Variants in ADAMTS9 observed in about 807,000 individuals in gnomAD.
ADAMTS9 encodes A disintegrin and metalloproteinase with thrombospondin motifs 9.
Under a neutral mutation model 257.1 loss-of-function variants are expected in ADAMTS9, and 107 were observed. The observed-to-expected ratio is 0.42, with a 90% CI of 0.36 to 0.49. ADAMTS9 has a LOEUF of 0.49. Among genes scored for constraint, ADAMTS9 ranks in the 20% least tolerant of loss-of-function variants. The pLI, the probability that ADAMTS9 is intolerant of heterozygous loss-of-function variation, is 0.03. For synonymous variants in ADAMTS9, 982 were observed against 880.9 expected, an observed-to-expected ratio of 1.11 and a Z score of -2.03; for missense variants, 2,353 against 2,469.1, an observed-to-expected ratio of 0.95 and a Z score of 1.00.
Position 64,686,524 on chromosome 3 carries a change from G to A in ADAMTS9, c.516+44C>T, listed in dbSNP as rs780923572. On this transcript the variant is annotated intron_variant, in intron 2 of 39. Coordinates refer to ENST00000498707, the MANE Select transcript of ADAMTS9 (RefSeq NM_182920.2). This position sits in a 1 kb window ranked among gnomAD's most constrained non-coding sequence, Gnocchi z 4.6. The stretch of plus-strand genomic sequence containing the variant: ...GGACAATTAAGTCTTCTAGAAGCGG[G>A]CGAGGAGGCGGAAGGGGAGAGGAGG... 9 of 1,537,560 alleles carry A rather than the reference G, an allele frequency of 5.9e-6. No individual in the cohort carries two copies. Among genetic ancestry groups the A allele is most frequent in the Non-Finnish European group, 7.0e-6 (8 of 1,140,648 alleles).
intron 2 of ADAMTS9, among the ~76,000 whole-genome samples, chr3:64,683,426 A>G (rs1701808179): frequency 6.6e-6 from 1 of 152,212 alleles, no homozygotes; most frequent in Non-Finnish European, 1.5e-5. Context: ...TCTATGGTTA[A>G]GCACATGGAT....
intron 38 of ADAMTS9, among the ~76,000 whole-genome samples, chr3:64,528,040 A>C (rs2082931105): frequency 6.6e-6 from 1 of 152,228 alleles, no homozygotes; most frequent in African/African-American, 2.4e-5. Context: ...TCTTTGATTT[A>C]CAGCCCTTGC....
At chr3:64,663,936 A>G in intron 3 of ADAMTS9, among the ~76,000 whole-genome samples, 1 of 152,092 alleles carries the variant, frequency 6.6e-6, no homozygotes, top group East Asian at 1.9e-4. Context: ...TAAAAATAGC[A>G]TTAAAAATAG....
At chr3:64,663,516 C>T (rs1390600342) in intron 3 of ADAMTS9, among the ~76,000 whole-genome samples, 2 of 149,446 alleles carry the variant, frequency 1.3e-5, no homozygotes, top group African/African-American at 4.9e-5. Context: ...CTATCAGAAT[C>T]ATCAGAGAGG....
At chr3:64,644,011 G>A (rs1457120458) in intron 11 of ADAMTS9, among the ~76,000 whole-genome samples, 9 of 152,102 alleles carry the variant, frequency 5.9e-5, no homozygotes, top group Admixed American at 1.3e-4. Context: ...CTTAAAGTCT[G>A]TTTCCACAAT....
At chr3:64,649,065 G>A (rs61126815) in intron 10 of ADAMTS9, among the ~76,000 whole-genome samples, 1,825 of 152,096 alleles carry the variant, frequency 0.012, 26 homozygotes, top group African/African-American at 0.039. Flanking sequence ...ATCTGTAACC[G>A]GATAACTGCT....
intron 28 of ADAMTS9, among the ~76,000 whole-genome samples, chr3:64,575,094 T>A (rs2083804445): frequency 6.6e-6 from 1 of 152,182 alleles, no homozygotes; most frequent in South Asian, 2.1e-4. Context: ...GTTTATTAAC[T>A]CGTTGAGGCC....
intron 30 of ADAMTS9, among the ~76,000 whole-genome samples, chr3:64,557,332 G>T (rs1329636121): frequency 1.3e-5 from 2 of 152,162 alleles, no homozygotes; most frequent in African/African-American, 4.8e-5. Context: ...TTGACCAGAA[G>T]GACCTCTGCT....
At chr3:64,542,410 C>T (rs913881117) in intron 32 of ADAMTS9, among the ~76,000 whole-genome samples, 1 of 135,534 alleles carries the variant, frequency 7.4e-6, no homozygotes, top group Non-Finnish European at 1.6e-5. Context: ...TTTGCCTGAT[C>T]ACTTTTCATT....
Position 64,649,707 on chromosome 3 carries a change from C to T in ADAMTS9, c.1535G>A (p.Gly512Asp). Reference protein sequence around the residue: ...RPYPLPVQLPGILYNVNKQCE... With the variant: ...RPYPLPVQLPDILYNVNKQCE... Reference sequence around the variant, plus strand: ...TTGTTTATTCACGTTGTAAAGGATGCCTGGCAGTTGGACAGGCAAAGGGTA... The same window carrying T: ...TTGTTTATTCACGTTGTAAAGGATGTCTGGCAGTTGGACAGGCAAAGGGTA... Residue 512 changes from glycine (G) to aspartate (D), a missense_variant, in exon 10 of 40, where the codon GGC becomes GAC. Gly to Asp is a moderately conservative substitution (Grantham distance 94, BLOSUM62 -1). Around this residue, in one of 3 missense-constraint regions of ADAMTS9, gnomAD observed 360 missense variants for 458.1 expected, o/e 0.79. Transcript: ENST00000498707. 1 of 1,613,946 alleles carries T rather than the reference C, an allele frequency of 6.2e-7. No individual in the cohort carries two copies. Among genetic ancestry groups the T allele is most frequent in the Non-Finnish European group, 8.5e-7 (1 of 1,179,962 alleles).
At chr3:64,542,045 G>A (rs1461363227) in intron 32 of ADAMTS9, 75 bp from the exon 33 acceptor site, 4 of 1,580,480 alleles carry the variant, frequency 2.5e-6, no homozygotes, top group Non-Finnish European at 3.4e-6. Context: ...GTGGAGCTCA[G>A]AGCCCTGATG....
At chr3:64,667,019 GT>G (rs985163767) in intron 3 of ADAMTS9, among the ~76,000 whole-genome samples, 2 of 152,012 alleles carry the variant, frequency 1.3e-5, no homozygotes, top group African/African-American at 4.8e-5. Flanking sequence ...GTGAGCTGTT[GT>G]TTTTTTGTTT....
chr3:64,658,448 C>T, intron 4 of ADAMTS9, 54 bp downstream of exon 4: 1 of 1,547,886 alleles, frequency 6.5e-7, no homozygotes, highest in South Asian at 1.3e-5. Context: ...GAAACCCATT[C>T]CCCAATGGCA....
intron 39 of ADAMTS9, among the ~76,000 whole-genome samples, chr3:64,518,087 T>A (rs1231048387): frequency 6.6e-6 from 1 of 152,234 alleles, no homozygotes; most frequent in African/African-American, 2.4e-5. Context: ...AAGAATGATG[T>A]AATCCTAGAG....
intron 30 of ADAMTS9, among the ~76,000 whole-genome samples, chr3:64,559,194 C>A (rs2106639293): frequency 6.6e-6 from 1 of 152,214 alleles, no homozygotes; most frequent in Admixed American, 6.5e-5. Flanking sequence ...AGGTAATTGC[C>A]CAGTTACTGT....
chr3:64,658,716 C>T lies in ADAMTS9; in HGVS notation c.755G>A (p.Gly252Asp), dbSNP rs2106970329. 4 of 1,614,172 alleles carry T rather than the reference C, an allele frequency of 2.5e-6. No homozygotes were observed. Among genetic ancestry groups the T allele is most frequent in the Non-Finnish European group, 3.4e-6 (4 of 1,180,034 alleles). The change falls in exon 4 of 40, where the codon GGT becomes GAT. Residue 252 changes from glycine to aspartate, a missense_variant. Around this residue, in one of 3 missense-constraint regions of ADAMTS9, gnomAD observed 591 missense variants for 569.6 expected, o/e 1.04. Coordinates refer to ENST00000498707, the MANE Select transcript of ADAMTS9 (RefSeq NM_182920.2). ...RKWGERINLA[G>D]DVAALNSGLA... ...GCCGCTGTTTAATGCTGCTACGTCA[C>T]CAGCCAGGTTAATCCTTTCTCCCCA...
intron 21 of ADAMTS9, 172 bp downstream of exon 21, chr3:64,615,149 A>T: frequency 5.4e-6 from 4 of 744,360 alleles, no homozygotes; most frequent in Non-Finnish European, 6.5e-6. Flanking sequence ...AGTTACATCC[A>T]GTACGACAGT....
At chr3:64,607,713 G>T (rs2084584786) in intron 22 of ADAMTS9, among the ~76,000 whole-genome samples, 1 of 152,126 alleles carries the variant, frequency 6.6e-6, no homozygotes, top group African/African-American at 2.4e-5. Context: ...TGTTAAGCTG[G>T]CAAAAACTGG....
intron 16 of ADAMTS9, among the ~76,000 whole-genome samples, chr3:64,627,265 T>C (rs932576468): frequency 1.3e-5 from 2 of 152,214 alleles, no homozygotes; most frequent in African/African-American, 2.4e-5. Flanking sequence ...CTTCCATGCA[T>C]ATTCTTTATT....
Sources: allele counts gnomAD v4.1 joint callset (sites outside exome capture counted in the v4.1 genomes callset), GRCh38; gene constraint gnomAD v4.1.1; regional missense constraint gnomAD v4.1.1; non-coding constraint Gnocchi (gnomAD v3.1); transcripts MANE v1.5; gene names NCBI Gene and HGNC (gene_info 2026-07-23, HGNC 2026-07-21).